GPR176: variants seen among roughly 807,000 people sequenced by gnomAD.
GPR176 encodes G-protein coupled receptor 176.
In GPR176, 26 loss-of-function variants were observed where a neutral mutation model predicts 35.4. That is an observed-to-expected ratio of 0.74 (90% CI 0.54 to 1.02). GPR176 has a LOEUF of 1.02. Among genes scored for constraint, GPR176 ranks in the 50% least tolerant of loss-of-function variants. The pLI is 0.00. For synonymous variants in GPR176, 278 were observed against 271.3 expected, an observed-to-expected ratio of 1.02 and a Z score of -0.24; for missense variants, 597 against 665.3, an observed-to-expected ratio of 0.90 and a Z score of 1.13.
chr15:39,846,955 T>C (rs2140801072), intron 1 of GPR176, among the ~76,000 whole-genome samples: 1 of 151,986 alleles, frequency 6.6e-6, no homozygotes, highest in South Asian at 2.1e-4. Context: ...CACTGTCTAA[T>C]GTGGTTCTAA....
At chr15:39,883,973 A>G (rs2032579021) in intron 1 of GPR176, among the ~76,000 whole-genome samples, 1 of 152,246 alleles carries the variant, frequency 6.6e-6, no homozygotes, top group African/African-American at 2.4e-5. Context: ...AACTGCCTCA[A>G]ATAAGGTAAC....
chr15:39,863,993 T>C lies in GPR176; in HGVS notation c.172+55862A>G, dbSNP rs1052264502. The stretch of plus-strand genomic sequence containing the variant: ...CCACTGCAGTCTGGTGTTGAGAATA[T>C]GGGCTCATATCATAGTTCAAATATT... On this transcript the variant is annotated intron_variant, in intron 1 of 2. Transcript: ENST00000561100. Among the ~76,000 whole-genome samples the C allele has an allele frequency of 2.6e-5, 4 of 152,228 alleles. No individual in the cohort carries two copies. In the East Asian group the frequency reaches 7.7e-4, roughly 29 times the overall value.
Position 39,914,309 on chromosome 15 carries a change from C to CT in GPR176, c.172+5545dup, listed in dbSNP as rs5812146. Among the ~76,000 whole-genome samples, 246 of 71,106 alleles carry CT rather than the reference C, an allele frequency of 3.5e-3. 2 individuals are homozygous for CT. The highest frequency in any genetic ancestry group is 0.011 in the African/African-American group (201 of 18,930). The allele number at this position is 71,106 out of a possible 152,430, so 46.6% of individuals were successfully genotyped here. On this transcript the variant is annotated intron_variant, in intron 1 of 2. Transcript: ENST00000561100. ...AGGCATCAATTCAGGATATCTTATTCTTTTTTTTTTTTTTTTTTTTTTGAG... is the reference window on the plus strand; with the variant it reads ...AGGCATCAATTCAGGATATCTTATTCTTTTTTTTTTTTTTTTTTTTTTTGAG...
At chr15:39,903,054 T>A (rs1053157663) in intron 1 of GPR176, among the ~76,000 whole-genome samples, 14 of 152,226 alleles carry the variant, frequency 9.2e-5, no homozygotes, top group African/African-American at 3.4e-4. Context: ...CAACACTTCA[T>A]TATAAAATAG....
intron 1 of GPR176, among the ~76,000 whole-genome samples, chr15:39,911,584 G>A (rs1595525743): frequency 6.6e-6 from 1 of 152,140 alleles, no homozygotes; most frequent in African/African-American, 2.4e-5. Context: ...CCTTGAGCAG[G>A]GGCATTCAAA....
At chr15:39,901,691 C>T (rs759770290) in intron 1 of GPR176, among the ~76,000 whole-genome samples, 4 of 152,156 alleles carry the variant, frequency 2.6e-5, no homozygotes, top group Admixed American at 2.0e-4. Context: ...GTCATCTCCA[C>T]GGACACTAAG....
intron 1 of GPR176, among the ~76,000 whole-genome samples, chr15:39,898,875 A>C (rs1273696430): frequency 6.6e-6 from 1 of 152,208 alleles, no homozygotes; most frequent in East Asian, 1.9e-4. Flanking sequence ...AGAAGGGGTC[A>C]AGGAGCAAGA....
intron 1 of GPR176, among the ~76,000 whole-genome samples, chr15:39,874,031 A>G (rs945552516): frequency 6.6e-6 from 1 of 152,190 alleles, no homozygotes; most frequent in African/African-American, 2.4e-5. Context: ...AAGAACTCAA[A>G]ATGTATTGCA....
chr15:39,846,896 TC>T (rs780775589), intron 1 of GPR176, among the ~76,000 whole-genome samples: 3 of 152,166 alleles, frequency 2.0e-5, no homozygotes, highest in Non-Finnish European at 2.9e-5. Flanking sequence ...ATAATTTTTT[TC>T]CTCAAGTTTT....
At chr15:39,823,405 T>A (rs543264752) in intron 1 of GPR176, among the ~76,000 whole-genome samples, 1 of 152,328 alleles carries the variant, frequency 6.6e-6, no homozygotes, top group East Asian at 1.9e-4. Context: ...TGGTTGCTCA[T>A]GTTAGAAACA....
In GPR176 at chr15:39,799,428, T is replaced by G. The variant is rs1898723689; in HGVS notation, c.*1704A>C. 1 of 152,120 alleles carries G rather than the reference T, an allele frequency of 6.6e-6. No individual in the cohort carries two copies. Among genetic ancestry groups the G allele is most frequent in the South Asian group, 2.1e-4 (1 of 4,824 alleles). The allele number at this position is 152,120 out of a possible 1,614,324, so 9.4% of individuals were successfully genotyped here. A position where few individuals can be genotyped will look rare whatever the true frequency, so the allele number is the denominator to read the frequency against. On this transcript the variant is annotated 3_prime_UTR_variant, in exon 3 of 3. Transcript: ENST00000561100. ...CCCCGTTTCTGCTGTGAGCAAACAG[T>G]GCTATGAGGAGACCAACACAAAGAG...
At chr15:39,892,361 A>C (rs1300401868) in intron 1 of GPR176, among the ~76,000 whole-genome samples, 2 of 152,116 alleles carry the variant, frequency 1.3e-5, no homozygotes, top group Non-Finnish European at 2.9e-5. Context: ...AATATGACCA[A>C]ATAAACTGAA....
intron 1 of GPR176, chr15:39,829,240 T>A (rs970158756): frequency 4.1e-5 from 60 of 1,479,246 alleles, no homozygotes; most frequent in Middle Eastern, 1.8e-4. Context: ...CAAAGATGTG[T>A]CGCTGGAAAA....
At chr15:39,857,619 G>A (rs1031657248) in intron 1 of GPR176, among the ~76,000 whole-genome samples, 2 of 151,876 alleles carry the variant, frequency 1.3e-5, no homozygotes, top group African/African-American at 2.4e-5. Flanking sequence ...GCAGTGAGCC[G>A]TGATTGCACC....
intron 1 of GPR176, among the ~76,000 whole-genome samples, chr15:39,895,609 C>T (rs759358677): frequency 6.6e-6 from 1 of 152,134 alleles, no homozygotes; most frequent in Non-Finnish European, 1.5e-5. Context: ...GCTAGATACT[C>T]ACACATAATT....
intron 1 of GPR176, among the ~76,000 whole-genome samples, chr15:39,861,184 C>T (rs764877163): frequency 9.2e-5 from 14 of 152,248 alleles, no homozygotes; most frequent in Non-Finnish European, 1.5e-4. Context: ...CATGACATAA[C>T]GTAAACATGG....
chr15:39,879,516 A>C (rs548757293), intron 1 of GPR176, among the ~76,000 whole-genome samples: 2 of 152,278 alleles, frequency 1.3e-5, no homozygotes, highest in African/African-American at 4.8e-5. Context: ...TGTACTCTCA[A>C]ACCCTCATGC....
chr15:39,859,608 A>G (rs1053084179), intron 1 of GPR176, among the ~76,000 whole-genome samples: 15 of 152,216 alleles, frequency 9.9e-5, no homozygotes, highest in African/African-American at 3.6e-4. Flanking sequence ...AAACAGTATG[A>G]AGATTTCTCA....
At chr15:39,862,247 G>A (rs184475983) in intron 1 of GPR176, 13 of 152,326 alleles carry the variant, frequency 8.5e-5, no homozygotes, top group Non-Finnish European at 1.8e-4. Flanking sequence ...TGTGTATTAC[G>A]AGTAATTTTG....
Sources: allele counts gnomAD v4.1 joint callset (sites outside exome capture counted in the v4.1 genomes callset), GRCh38; gene constraint gnomAD v4.1.1; transcripts MANE v1.5; gene names NCBI Gene and HGNC (gene_info 2026-07-23, HGNC 2026-07-21).